INPP4A: variants seen among roughly 807,000 people sequenced by gnomAD.
INPP4A encodes inositol polyphosphate-4-phosphatase, type I, 107kD.
In INPP4A, 33 loss-of-function variants were observed where a neutral mutation model predicts 119.8. The observed-to-expected ratio is 0.28, with a 90% CI of 0.21 to 0.37. The LOEUF (loss-of-function observed/expected upper bound fraction) is 0.37, where lower values mean the gene tolerates loss of function less well. Ranked by LOEUF, INPP4A falls within the 10% of genes least tolerant of loss-of-function variation. The pLI is 1.00. For missense variants in INPP4A, 956 were observed against 1,289.9 expected (o/e 0.74, Z 3.97); for synonymous variants, 496 against 500.7 (o/e 0.99, Z 0.12).
chr2:98,446,813 A>G (rs185375036), intron 1 of INPP4A, among the ~76,000 whole-genome samples: 1 of 152,204 alleles, frequency 6.6e-6, no homozygotes, highest in African/African-American at 2.4e-5. Flanking sequence ...TCAAAACTGG[A>G]TATTTTGTAG....
At chr2:98,501,648 T>C (rs768508715) in intron 1 of INPP4A, among the ~76,000 whole-genome samples, 1 of 152,092 alleles carries the variant, frequency 6.6e-6, no homozygotes, top group Non-Finnish European at 1.5e-5. Flanking sequence ...ATAAACACCA[T>C]TGTTACCATT....
chr2:98,463,434 C>T (rs1674023700), intron 1 of INPP4A, among the ~76,000 whole-genome samples: 1 of 152,240 alleles, frequency 6.6e-6, no homozygotes, highest in Admixed American at 6.5e-5. Context: ...CCAAGGTGCT[C>T]TACATCTCAG....
At chr2:98,563,751 T>G in intron 18 of INPP4A, 114 bp downstream of exon 18, 4 of 981,260 alleles carry the variant, frequency 4.1e-6, no homozygotes, top group Non-Finnish European at 6.1e-6. Flanking sequence ...GATGGCCATA[T>G]TTCCTCCTGG....
At chr2:98,501,031 G>A (rs1008636931) in intron 1 of INPP4A, among the ~76,000 whole-genome samples, 2 of 152,238 alleles carry the variant, frequency 1.3e-5, no homozygotes, top group African/African-American at 4.8e-5. Context: ...GTTTAGGCCA[G>A]GTGCGGTGGG....
At chr2:98,531,116 C>G (rs1395516917) in intron 4 of INPP4A, among the ~76,000 whole-genome samples, 2 of 152,146 alleles carry the variant, frequency 1.3e-5, no homozygotes, top group Non-Finnish European at 2.9e-5. Context: ...TCTGAAAGGC[C>G]CCACCCCTAA....
At chr2:98,548,949 T>C (rs1473550598) in intron 13 of INPP4A, 5 of 1,610,488 alleles carry the variant, frequency 3.1e-6, no homozygotes, top group South Asian at 2.2e-5. Flanking sequence ...TTCTTTTCTT[T>C]AGCAGTTTTG....
rs193242509 is a variant in INPP4A, at chr2:98,447,663, C to T, written c.-166+2578C>T. ...CATTCTGTTACACTGCTTTATCATT[C>T]TCTTGTATTCCTGTGTGTTACTACT... is the stretch of plus-strand genomic sequence containing the variant. On this transcript the variant is annotated intron_variant, in intron 1 of 24. Coordinates refer to ENST00000409851, the MANE Select transcript of INPP4A (RefSeq NM_001134225.2). Among the ~76,000 whole-genome samples, 66 of 152,194 alleles carry T rather than the reference C, an allele frequency of 4.3e-4. 3 individuals carry two copies. The South Asian group carries it at 0.012, about 27-fold the overall frequency.
intron 5 of INPP4A, among the ~76,000 whole-genome samples, chr2:98,534,535 CG>C (rs1689852897): frequency 1.3e-5 from 2 of 152,174 alleles, no homozygotes; most frequent in African/African-American, 4.8e-5. Context: ...GGTAGCCAGT[CG>C]GGGGACTCCA....
At chr2:98,478,624 A>G (rs985122984) in intron 1 of INPP4A, among the ~76,000 whole-genome samples, 1 of 151,948 alleles carries the variant, frequency 6.6e-6, no homozygotes, top group Non-Finnish European at 1.5e-5. Context: ...GACCTTTTTG[A>G]TGGTTACCAA....
intron 1 of INPP4A, among the ~76,000 whole-genome samples, chr2:98,485,630 A>G (rs1330150242): frequency 1.3e-5 from 2 of 152,170 alleles, no homozygotes; most frequent in African/African-American, 2.4e-5. Context: ...GTGAGAACCC[A>G]GCTGAGAGTT....
intron 1 of INPP4A, among the ~76,000 whole-genome samples, chr2:98,469,665 G>A (rs1675577386): frequency 6.6e-6 from 1 of 151,910 alleles, no homozygotes; most frequent in African/African-American, 2.4e-5. Flanking sequence ...TTAGCCGGGC[G>A]TTGGGGCGCA....
chr2:98,564,829 G>T (rs1696140257), intron 19 of INPP4A, 66 bp downstream of exon 19: 1 of 1,493,290 alleles, frequency 6.7e-7, no homozygotes. Context: ...TTCTTGCTAG[G>T]CACTTTTCTC....
chr2:98,501,640 A>G (rs1683144313), intron 1 of INPP4A, among the ~76,000 whole-genome samples: 1 of 152,160 alleles, frequency 6.6e-6, no homozygotes, highest in South Asian at 2.1e-4. Flanking sequence ...AAAACAGAAT[A>G]AACACCATTG....
intron 3 of INPP4A, 60 bp downstream of exon 3, chr2:98,520,214 C>A: frequency 7.8e-7 from 1 of 1,279,044 alleles, no homozygotes; most frequent in Non-Finnish European, 1.1e-6. Flanking sequence ...CTGGGCTCCA[C>A]ACTGCAGCAG....
At chr2:98,499,717 G>T (rs1264110190) in intron 1 of INPP4A, among the ~76,000 whole-genome samples, 5 of 152,218 alleles carry the variant, frequency 3.3e-5, no homozygotes, top group African/African-American at 1.2e-4. Context: ...CAGACAAATT[G>T]AGTGGAAAGT....
At chr2:98,564,996 C>T (rs770389085) in intron 19 of INPP4A, among the ~76,000 whole-genome samples, 1 of 152,212 alleles carries the variant, frequency 6.6e-6, no homozygotes, top group Non-Finnish European at 1.5e-5. Flanking sequence ...TCCTGTTGGA[C>T]TTTGGGTTGT....
upstream of INPP4A, chr2:98,444,752 G>A (rs1034643138): frequency 6.6e-6 from 1 of 152,370 alleles, no homozygotes; most frequent in Non-Finnish European, 1.5e-5. Context: ...CTCAGAGGGC[G>A]GACCCAGCTC....
chr2:98,454,534 A>G (rs1467914440), intron 1 of INPP4A, among the ~76,000 whole-genome samples: 1 of 152,140 alleles, frequency 6.6e-6, no homozygotes, highest in African/African-American at 2.4e-5. Flanking sequence ...TGTGAACTGC[A>G]GTGCACTGGA....
chr2:98,513,867 A>G (rs1465676250), intron 1 of INPP4A, among the ~76,000 whole-genome samples: 3 of 152,030 alleles, frequency 2.0e-5, no homozygotes, highest in African/African-American at 7.3e-5. Flanking sequence ...GCCCATCCCC[A>G]TGTTTGTGCC....
Sources: allele counts gnomAD v4.1 joint callset (sites outside exome capture counted in the v4.1 genomes callset), GRCh38; gene constraint gnomAD v4.1.1; transcripts MANE v1.5; gene names NCBI Gene and HGNC (gene_info 2026-07-23, HGNC 2026-07-21).